SEPTIN14: variants seen among roughly 807,000 people sequenced by gnomAD.
SEPTIN14 encodes the protein septin-14.
A neutral mutation model predicts 53.6 loss-of-function variants in SEPTIN14; 40 were observed. The ratio of observed to expected loss-of-function variants is 0.75; its 90% CI spans 0.58 to 0.97. The LOEUF (loss-of-function observed/expected upper bound fraction) is 0.97. SEPTIN14 is among the 50% of genes least tolerant of loss of function. SEPTIN14 has a pLI of 0.00. For missense variants in SEPTIN14, 471 were observed against 508.2 expected, an observed-to-expected ratio of 0.93 and a Z score of 0.70; for synonymous variants, 138 against 166.8, an observed-to-expected ratio of 0.83 and a Z score of 1.33.
chr7:55,820,346 A>T (rs549972184), intron 6 of SEPTIN14, among the ~76,000 whole-genome samples: 1 of 152,200 alleles, frequency 6.6e-6, no homozygotes, highest in Admixed American at 6.5e-5. Flanking sequence ...TCAATTCAGA[A>T]ATCTATTAGT....
At chr7:55,808,898 T>A (rs545945175) in intron 7 of SEPTIN14, among the ~76,000 whole-genome samples, 1 of 152,284 alleles carries the variant, frequency 6.6e-6, no homozygotes, top group Admixed American at 6.5e-5. Flanking sequence ...TTTGACCCAG[T>A]AATCCCATTA....
chr7:55,800,826 T>G (rs1223484399), intron 9 of SEPTIN14, among the ~76,000 whole-genome samples: 1 of 152,150 alleles, frequency 6.6e-6, no homozygotes. Context: ...TTAAAATAAC[T>G]GAGTATCATT....
chr7:55,830,531 G>A (rs1186171053), intron 6 of SEPTIN14, among the ~76,000 whole-genome samples: 1 of 150,694 alleles, frequency 6.6e-6, no homozygotes, highest in Admixed American at 6.6e-5. Flanking sequence ...TTTTAGTACA[G>A]AAGGGGTTTC....
At chr7:55,837,718 G>A (rs1267705349) in intron 5 of SEPTIN14, among the ~76,000 whole-genome samples, 1 of 152,198 alleles carries the variant, frequency 6.6e-6, no homozygotes, top group East Asian at 1.9e-4. Context: ...GAGTAGCTGG[G>A]ATTACAGGCA....
chr7:55,837,599 T>G (rs1295174681), intron 5 of SEPTIN14, among the ~76,000 whole-genome samples: 1 of 152,072 alleles, frequency 6.6e-6, no homozygotes, highest in East Asian at 1.9e-4. Context: ...TTTTTTTTTT[T>G]GGAGACAGAG....
chr7:55,840,528 A>G (rs1227621208), intron 5 of SEPTIN14, among the ~76,000 whole-genome samples: 6 of 152,086 alleles, frequency 3.9e-5, no homozygotes, highest in African/African-American at 1.4e-4. Flanking sequence ...CGGAGACACT[A>G]GGAAAAACAC....
chr7:55,832,322 T>A (rs767032065), intron 6 of SEPTIN14, among the ~76,000 whole-genome samples: 3 of 151,962 alleles, frequency 2.0e-5, no homozygotes, highest in Admixed American at 6.6e-5. Context: ...GGTGGGACCA[T>A]AACAACCTCT....
At chr7:55,831,749 A>G (rs188932832) in intron 6 of SEPTIN14, among the ~76,000 whole-genome samples, 1 of 152,324 alleles carries the variant, frequency 6.6e-6, no homozygotes, top group African/African-American at 2.4e-5. Flanking sequence ...GAATCTAAAA[A>G]GAACACAAAC....
chr7:55,838,678 A>G (rs1789252005), intron 5 of SEPTIN14, among the ~76,000 whole-genome samples: 1 of 151,834 alleles, frequency 6.6e-6, no homozygotes, highest in Non-Finnish European at 1.5e-5. Flanking sequence ...CCTGGGCTCA[A>G]GCAATCCCAC....
chr7:55,861,096 A>C (rs1789740971), intron 2 of SEPTIN14, among the ~76,000 whole-genome samples: 1 of 152,216 alleles, frequency 6.6e-6, no homozygotes, highest in Non-Finnish European at 1.5e-5. Flanking sequence ...CATGTGAACA[A>C]AGGAGTATTA....
chr7:55,796,164 C>G, intron 9 of SEPTIN14, 72 bp from the exon 10 acceptor site: 1 of 1,010,744 alleles, frequency 9.9e-7, no homozygotes, highest in Non-Finnish European at 1.5e-6. Flanking sequence ...ATGCTTTTTT[C>G]TAAATATCAA....
chr7:55,823,032 C>T (rs924567432), intron 6 of SEPTIN14, among the ~76,000 whole-genome samples: 1 of 152,198 alleles, frequency 6.6e-6, no homozygotes, highest in Non-Finnish European at 1.5e-5. Flanking sequence ...TGGCAGGAGG[C>T]GGACAAATGC....
rs139524571 is a variant in SEPTIN14, at chr7:55,850,078, A to G, written c.55-3441T>C. On this transcript the variant is annotated intron_variant, in intron 2 of 9. Transcript: ENST00000388975. Reference sequence around the variant, plus strand: ...CTGATTTCACTATTGAATTCTATCAACAAGCAGTTAAAAGAAAAATTCACA... The same window carrying G: ...CTGATTTCACTATTGAATTCTATCAGCAAGCAGTTAAAAGAAAAATTCACA... Among the ~76,000 whole-genome samples the G allele has an allele frequency of 2.8e-3, 424 of 152,326 alleles. 5 individuals carry two copies. The highest frequency in any genetic ancestry group is 0.01 in the Middle Eastern group (3 of 294).
rs1038187935 is a variant in SEPTIN14, at chr7:55,794,261, T to C, written c.*1652A>G. ...GTTATTTTTAAATATGGAATAATAT[T>C]GGTGATTTCAGTTTCAGTTTTAATA... On this transcript the variant is annotated 3_prime_UTR_variant, in exon 10 of 10. Coordinates refer to ENST00000388975, the MANE Select transcript of SEPTIN14 (RefSeq NM_207366.3). 10 of 152,150 alleles carry C rather than the reference T, an allele frequency of 6.6e-5. No homozygotes were observed. The highest frequency in any genetic ancestry group is 2.4e-4 in the African/African-American group (10 of 41,448). 9.4% of individuals were successfully genotyped at this position (152,150 alleles called of 1,614,324 possible).
intron 7 of SEPTIN14, among the ~76,000 whole-genome samples, chr7:55,808,638 G>A (rs1224750657): frequency 5.9e-5 from 9 of 152,048 alleles, no homozygotes; most frequent in East Asian, 1.9e-4. Flanking sequence ...TGCAACCTCC[G>A]CCTCCTGGGT....
chr7:55,826,799 G>GAAA (rs201714281), intron 6 of SEPTIN14, among the ~76,000 whole-genome samples: 1 of 130,704 alleles, frequency 7.7e-6, no homozygotes, highest in Admixed American at 7.8e-5. Context: ...CACTGTCCCA[G>GAAA]AAAAAAAAAA....
chr7:55,846,464 A>C, intron 3 of SEPTIN14, 53 bp downstream of exon 3: 1 of 1,395,776 alleles, frequency 7.2e-7, no homozygotes, highest in Non-Finnish European at 9.8e-7. Context: ...ATAAGTTGAA[A>C]TGAACATTGG....
intron 2 of SEPTIN14, among the ~76,000 whole-genome samples, chr7:55,854,104 G>T (rs867690282): frequency 6.6e-6 from 1 of 151,422 alleles, no homozygotes; most frequent in Middle Eastern, 3.4e-3. Context: ...CTGGGTAACC[G>T]AGTAAAACCC....
intron 6 of SEPTIN14, among the ~76,000 whole-genome samples, chr7:55,819,941 T>A (rs1788864288): frequency 6.6e-6 from 1 of 152,172 alleles, no homozygotes; most frequent in Admixed American, 6.5e-5. Flanking sequence ...ACTATTATAA[T>A]AATTAATGGA....
Sources: gnomAD v4.1 joint callset for allele counts (sites outside exome capture counted in the v4.1 genomes callset) on GRCh38, gnomAD v4.1.1 for gene constraint, MANE v1.5 for transcripts, NCBI Gene and HGNC (gene_info 2026-07-23, HGNC 2026-07-21) for gene names.